The following SSBP1 variants were observed in gnomAD, a reference collection of about 807,000 sequenced individuals.
SSBP1 encodes single stranded DNA binding protein 1.
A neutral mutation model predicts 27.0 loss-of-function variants in SSBP1; 20 were observed. The ratio of observed to expected loss-of-function variants is 0.74; its 90% CI spans 0.52 to 1.08. The LOEUF (loss-of-function observed/expected upper bound fraction) is 1.08, where lower values mean the gene tolerates loss of function less well. SSBP1 is among the 50% of genes least tolerant of loss of function. SSBP1 has a pLI of 0.00. For missense variants in SSBP1, 137 were observed against 182.4 expected, an observed-to-expected ratio of 0.75 and a Z score of 1.44; for synonymous variants, 59 against 59.3, an observed-to-expected ratio of 1.00 and a Z score of 0.02.
chr7:141,747,981 G>T, intron 6 of SSBP1, among the ~76,000 whole-genome samples: 1 of 132,742 alleles, frequency 7.5e-6, no homozygotes, highest in Admixed American at 8.2e-5. Flanking sequence ...CTGGGCAATA[G>T]AGGAAGACTC....
intron 4 of SSBP1, 66 bp downstream of exon 4, chr7:141,743,767 T>C (rs1799662165): frequency 2.0e-5 from 31 of 1,567,088 alleles, no homozygotes; most frequent in South Asian, 1.9e-4. Flanking sequence ...TTGCCAGTTA[T>C]CTAATTTAGA....
intron 2 of SSBP1, chr7:141,740,130 ATGACATT>A (rs1799472942): frequency 6.6e-6 from 1 of 152,186 alleles, no homozygotes; most frequent in Non-Finnish European, 1.5e-5. Flanking sequence ...GAGCACTCAA[ATGACATT>A]TCCAGAATCA....
At chr7:141,749,118 C>T (rs545508343) in intron 6 of SSBP1, among the ~76,000 whole-genome samples, 1 of 152,056 alleles carries the variant, frequency 6.6e-6, no homozygotes, top group African/African-American at 2.4e-5. Flanking sequence ...AAAAATAATA[C>T]AACAACAACA....
rs374567748 is a variant in SSBP1, at chr7:141,742,022, G to T, written c.25-147G>T. On this transcript the variant is annotated intron_variant, in intron 2 of 6. Coordinates refer to ENST00000265304, the MANE Select transcript of SSBP1 (RefSeq NM_003143.3). ...GTTTGCCGGGGCCTTCTGGCACTCT[G>T]TTGGGAGAACATGAGAAGAGCTTCT... 7.5e-4 allele frequency: 489 copies of T among 654,764 alleles called. 1 individual carries two copies. In the Middle Eastern group the frequency reaches 0.012, roughly 16 times the overall value. 40.6% of individuals were successfully genotyped at this position (654,764 alleles called of 1,614,324 possible). A position where few individuals can be genotyped will look rare whatever the true frequency, so the allele number is the denominator to read the frequency against.
intron 5 of SSBP1, among the ~76,000 whole-genome samples, chr7:141,744,402 C>T (rs559563232): frequency 6.6e-6 from 1 of 152,196 alleles, no homozygotes; most frequent in Non-Finnish European, 1.5e-5. Flanking sequence ...AGCAGAGGAT[C>T]TGGAATGTCT....
chr7:141,741,146 AG>A (rs1475075255), intron 2 of SSBP1: 6 of 152,184 alleles, frequency 3.9e-5, no homozygotes, highest in African/African-American at 9.7e-5. Flanking sequence ...TCCATGGAGG[AG>A]GGGGGTGCCG....
At chr7:141,739,467 G>A (rs931719770) in intron 2 of SSBP1, 13 of 324,540 alleles carry the variant, frequency 4.0e-5, no homozygotes, top group Non-Finnish European at 6.7e-5. Context: ...GGACATTAAA[G>A]GTCTTTAGTG....
intron 3 of SSBP1, 54 bp downstream of exon 3, chr7:141,742,283 C>A: frequency 7.2e-7 from 1 of 1,389,508 alleles, no homozygotes; most frequent in Non-Finnish European, 1.0e-6. Flanking sequence ...TTGCCAATCT[C>A]AAATGTGTTG....
Position 141,743,899 on chromosome 7 carries a change from T to C in SSBP1, c.227-3T>C. 6.2e-7 allele frequency: 1 copy of C among 1,607,300 alleles called. No homozygotes were observed. Among genetic ancestry groups the C allele is most frequent in the Non-Finnish European group, 8.5e-7 (1 of 1,178,952 alleles). ...TAACCAATTTCCTATTTTTATGATT[T>C]AGGTGATGTCAGTCAAAAGACAACA... On this transcript the variant is annotated splice_region_variant and splice_polypyrimidine_tract_variant and intron_variant, in intron 4 of 6. Coordinates refer to ENST00000265304, the MANE Select transcript of SSBP1 (RefSeq NM_003143.3).
At chr7:141,746,593 A>G (rs917670963) in intron 6 of SSBP1, 5 of 152,024 alleles carry the variant, frequency 3.3e-5, no homozygotes, top group African/African-American at 1.2e-4. Context: ...TGATCCTCCC[A>G]CCTTAGCCTC....
Position 141,744,016 on chromosome 7 carries a change from G to A in SSBP1, c.314+27G>A, listed in dbSNP as rs201482250. 2.1e-4 allele frequency: 333 copies of A among 1,589,068 alleles called. 3 individuals are homozygous for A. The African/African-American group carries it at 3.5e-3, about 17-fold the overall frequency. ...TAAGTTGAAGAGGGAAGGATCTTAT[G>A]AATTGAATGATTTAAAGAACCGATA... is the stretch of plus-strand genomic sequence containing the variant. On this transcript the variant is annotated intron_variant, in intron 5 of 6. Coordinates refer to ENST00000265304, the MANE Select transcript of SSBP1 (RefSeq NM_003143.3).
chr7:141,750,162 G>A (rs887273453), intron 6 of SSBP1, 149 bp from the exon 7 acceptor site: 36 of 640,762 alleles, frequency 5.6e-5, no homozygotes, highest in Admixed American at 2.9e-4. Flanking sequence ...TATACCTCTC[G>A]TGAGCATAGC....
At chr7:141,742,569 GTTTATAAAGA>G (rs1799584478) in intron 3 of SSBP1, among the ~76,000 whole-genome samples, 1 of 152,158 alleles carries the variant, frequency 6.6e-6, no homozygotes, top group South Asian at 2.1e-4. Flanking sequence ...ATTCCCTTGT[GTTTATAAAGA>G]TTTTCAGATC....
At chr7:141,744,603 C>T (rs966738707) in intron 5 of SSBP1, among the ~76,000 whole-genome samples, 52 of 152,136 alleles carry the variant, frequency 3.4e-4, no homozygotes, top group African/African-American at 1.2e-3. Flanking sequence ...TAGAAATGTA[C>T]TTGTTTTGTA....
intron 6 of SSBP1, among the ~76,000 whole-genome samples, chr7:141,749,442 A>G (rs1208997974): frequency 6.6e-6 from 1 of 152,206 alleles, no homozygotes; most frequent in Non-Finnish European, 1.5e-5. Flanking sequence ...TAAAAATGCT[A>G]ACTCTGTGAT....
chr7:141,744,655 A>G (rs1449724076), intron 5 of SSBP1, among the ~76,000 whole-genome samples: 4 of 152,250 alleles, frequency 2.6e-5, no homozygotes, highest in African/African-American at 7.2e-5. Flanking sequence ...AGCAATCACT[A>G]AAATTTTTCT....
rs761971290 is a variant in SSBP1, at chr7:141,742,172, C to T, written c.28C>T (p.Leu10Phe). 3.8e-6 allele frequency: 6 copies of T among 1,599,316 alleles called. No homozygotes were observed. The highest frequency in any genetic ancestry group is 4.3e-6 in the Non-Finnish European group (5 of 1,168,088). ...TTATTCATTTGTTCTTCTTTAGGTA[C>T]TTCGTCAGTTTGTAAGACATGAGTC... MFRRPVLQV[L>F]RQFVRHESET... Residue 10 changes from leucine to phenylalanine, a missense_variant, in exon 3 of 7, where the codon CTT (leucine) becomes TTT (phenylalanine). By Grantham distance (22) the Leu-to-Phe change is conservative (BLOSUM62 0). This residue lies in a region of SSBP1 where 42 missense variants were observed against 30.4 expected (regional missense o/e 1.38). Coordinates refer to ENST00000265304, the MANE Select transcript of SSBP1 (RefSeq NM_003143.3).
At chr7:141,745,856 T>A (rs1253473824) in intron 6 of SSBP1, 1 of 1,141,186 alleles carries the variant, frequency 8.8e-7, no homozygotes, top group East Asian at 4.6e-5. Context: ...GTACTTATTG[T>A]TGAGAATTAC....
chr7:141,744,477 T>G (rs1799693450), intron 5 of SSBP1, among the ~76,000 whole-genome samples: 1 of 152,246 alleles, frequency 6.6e-6, no homozygotes, highest in Admixed American at 6.5e-5. Flanking sequence ...TTCTGTAGGC[T>G]TAATAGTTCC....
Sources: gnomAD v4.1 joint callset for allele counts (sites outside exome capture counted in the v4.1 genomes callset) on GRCh38, gnomAD v4.1.1 for gene constraint, gnomAD v4.1.1 regional missense constraint, MANE v1.5 for transcripts, NCBI Gene and HGNC (gene_info 2026-07-23, HGNC 2026-07-21) for gene names.